The following PLCB1 variants were observed in gnomAD, a reference collection of about 807,000 sequenced individuals.
The protein encoded by PLCB1 is 1-phosphatidylinositol 4,5-bisphosphate phosphodiesterase beta-1.
Under a neutral mutation model 161.8 loss-of-function variants are expected in PLCB1, and 46 were observed. The observed-to-expected ratio is 0.28, with a 90% CI of 0.22 to 0.36. PLCB1 has a LOEUF of 0.36. Ranked by LOEUF, PLCB1 falls within the 10% of genes least tolerant of loss-of-function variation. The probability of loss-of-function intolerance (pLI) is 1.00; values close to 1 mark genes in which losing one functional copy is unlikely to be tolerated. For missense variants in PLCB1, 1,016 were observed against 1,472.5 expected (o/e 0.69, Z 5.07); for synonymous variants, 517 against 503.7 (o/e 1.03, Z -0.35).
At chr20:8,551,449 G>T (rs1453710592) in intron 3 of PLCB1, among the ~76,000 whole-genome samples, 2 of 152,138 alleles carry the variant, frequency 1.3e-5, no homozygotes, top group Non-Finnish European at 2.9e-5. Flanking sequence ...GGCAATCATT[G>T]ATTCTAAAGG....
chr20:8,616,474 C>T (rs1169291443), intron 3 of PLCB1, among the ~76,000 whole-genome samples: 4 of 152,172 alleles, frequency 2.6e-5, no homozygotes, highest in African/African-American at 9.7e-5. Context: ...TTATGTTAGA[C>T]TCACCTACTA....
At chr20:8,212,946 G>T (rs947209301) in intron 2 of PLCB1, among the ~76,000 whole-genome samples, 33 of 151,640 alleles carry the variant, frequency 2.2e-4, no homozygotes, top group African/African-American at 6.3e-4. Flanking sequence ...TTGCAAATCT[G>T]TATGAAGGAA....
intron 3 of PLCB1, among the ~76,000 whole-genome samples, chr20:8,561,663 A>T (rs1237973841): frequency 6.6e-6 from 1 of 152,008 alleles, no homozygotes; most frequent in African/African-American, 2.4e-5. Flanking sequence ...TGTGTTTGGT[A>T]AATTTGCTTC....
At chr20:8,404,656 A>G (rs1253525040) in intron 3 of PLCB1, among the ~76,000 whole-genome samples, 4 of 152,222 alleles carry the variant, frequency 2.6e-5, no homozygotes, top group African/African-American at 9.6e-5. Context: ...GTAACATTCT[A>G]TAATTTAAAT....
At chr20:8,373,297 A>G (rs754496845) in intron 3 of PLCB1, among the ~76,000 whole-genome samples, 14 of 152,000 alleles carry the variant, frequency 9.2e-5, no homozygotes, top group Non-Finnish European at 2.1e-4. Context: ...CTCTCCTCTA[A>G]TATTTTCAAA....
chr20:8,795,837 T>A (rs1433613345), intron 31 of PLCB1, among the ~76,000 whole-genome samples: 3 of 147,968 alleles, frequency 2.0e-5, no homozygotes, highest in Non-Finnish European at 4.4e-5. Context: ...ATCGCGCCAC[T>A]GCATTCAAGC....
In PLCB1 at chr20:8,697,788, A is replaced by G. The variant is rs1437989966; in HGVS notation, c.1167+5A>G. 1 of 1,613,938 alleles carries G rather than the reference A, an allele frequency of 6.2e-7. No individual in the cohort carries two copies. Among genetic ancestry groups the G allele is most frequent in the Admixed American group, 1.7e-5 (1 of 60,024 alleles). ...ACAACTGAAATATCTTTCAAGGTAG[A>G]GTATATGAATGTTACTAAGAGAGGC... is the stretch of plus-strand genomic sequence containing the variant. On this transcript the variant is annotated splice_donor_5th_base_variant and intron_variant, in intron 11 of 31. Coordinates refer to ENST00000338037, the MANE Select transcript of PLCB1 (RefSeq NM_015192.4).
chr20:8,541,596 G>GAAAGAAAGAAAGAAAT (rs1456415608), intron 3 of PLCB1, among the ~76,000 whole-genome samples: 32 of 150,546 alleles, frequency 2.1e-4, no homozygotes, highest in African/African-American at 7.3e-4. Flanking sequence ...AAGAAAGAAA[G>GAAAGAAAGAAAGAAAT]AAAGAAAGAA....
intron 11 of PLCB1, among the ~76,000 whole-genome samples, chr20:8,707,058 T>C (rs1032286247): frequency 6.6e-6 from 1 of 152,216 alleles, no homozygotes; most frequent in African/African-American, 2.4e-5. Context: ...GCTTGCCTTT[T>C]ATAGTGCTTG....
chr20:8,881,551 G>C (rs971979628), intron 31 of PLCB1, 71 bp from the exon 32 acceptor site: 2 of 1,111,436 alleles, frequency 1.8e-6, no homozygotes, highest in East Asian at 2.3e-5. Context: ...ATCTCTTTCA[G>C]AGAGTTTCTA....
intron 2 of PLCB1, among the ~76,000 whole-genome samples, chr20:8,350,838 T>C (rs1304732707): frequency 6.6e-6 from 1 of 152,206 alleles, no homozygotes; most frequent in Non-Finnish European, 1.5e-5. Context: ...AAAACTCTGA[T>C]AAAATAAGTT....
At chr20:8,534,435 C>T (rs1984960340) in intron 3 of PLCB1, among the ~76,000 whole-genome samples, 1 of 152,166 alleles carries the variant, frequency 6.6e-6, no homozygotes, top group African/African-American at 2.4e-5. Context: ...AACCTGTCCT[C>T]ATGGTTTAGA....
At chr20:8,217,659 G>A (rs1026562803) in intron 2 of PLCB1, among the ~76,000 whole-genome samples, 1 of 152,154 alleles carries the variant, frequency 6.6e-6, no homozygotes, top group African/African-American at 2.4e-5. Context: ...TAAAGGAATG[G>A]TGCTATGGTT....
intron 27 of PLCB1, 95 bp from the exon 28 acceptor site, chr20:8,788,354 A>G (rs45470291): frequency 1.8e-6 from 2 of 1,123,958 alleles, no homozygotes; most frequent in Admixed American, 2.2e-5. Context: ...TCCATCACAG[A>G]TATTCTAACT....
intron 9 of PLCB1, among the ~76,000 whole-genome samples, chr20:8,679,265 T>G (rs1425017577): frequency 6.6e-6 from 1 of 152,118 alleles, no homozygotes; most frequent in Non-Finnish European, 1.5e-5. Flanking sequence ...TAAAAGTAGG[T>G]TTTTAGAAGC....
chr20:8,444,863 GTTTATATCC>G lies in PLCB1; in HGVS notation c.246+73417_246+73425del, dbSNP rs1180823744. Among the ~76,000 whole-genome samples the G allele has an allele frequency of 7.4e-3, 1,119 of 151,668 alleles. 12 individuals are homozygous for G. The highest frequency in any genetic ancestry group is 0.025 in the African/African-American group (1,049 of 41,376). On this transcript the variant is annotated intron_variant, in intron 3 of 31. Transcript: ENST00000338037. ...AAATGTCTTCTTTTGAGAAGTGTCT[GTTTATATCC>G]TTTGCCTACTTTTTGATGAGGTTTT...
intron 9 of PLCB1, among the ~76,000 whole-genome samples, chr20:8,674,402 T>C (rs972941903): frequency 2.6e-5 from 4 of 152,196 alleles, no homozygotes; most frequent in Non-Finnish European, 4.4e-5. Context: ...GAGTGGTGGC[T>C]AAGCACTAAG....
intron 9 of PLCB1, among the ~76,000 whole-genome samples, chr20:8,663,798 C>G (rs1054650684): frequency 6.6e-6 from 1 of 152,080 alleles, no homozygotes; most frequent in African/African-American, 2.4e-5. Context: ...CTTGTTTGCA[C>G]TGTAGACTTA....
chr20:8,419,579 A>G (rs976553055), intron 3 of PLCB1, among the ~76,000 whole-genome samples: 2 of 152,236 alleles, frequency 1.3e-5, no homozygotes, highest in African/African-American at 4.8e-5. Context: ...TTTGTGTTAG[A>G]TAATTCTCCC....
Sources: gnomAD v4.1 joint callset for allele counts (sites outside exome capture counted in the v4.1 genomes callset) on GRCh38, gnomAD v4.1.1 for gene constraint, MANE v1.5 for transcripts, NCBI Gene and HGNC (gene_info 2026-07-23, HGNC 2026-07-21) for gene names.